Variants in BNC1 observed in about 807,000 individuals in gnomAD.
The protein encoded by BNC1 is zinc finger protein basonuclin-1.
A neutral mutation model predicts 66.5 loss-of-function variants in BNC1; 8 were observed. That is an observed-to-expected ratio of 0.12 (90% CI 0.07 to 0.22). The LOEUF (loss-of-function observed/expected upper bound fraction) is 0.22. Among genes scored for constraint, BNC1 ranks in the 10% least tolerant of loss-of-function variants. BNC1 has a pLI of 1.00. For synonymous variants in BNC1, 454 were observed against 452.6 expected, an observed-to-expected ratio of 1.00 and a Z score of -0.04; for missense variants, 1,069 against 1,241.3, an observed-to-expected ratio of 0.86 and a Z score of 2.09.
chr15:83,264,342 C>A lies in BNC1; in HGVS notation c.909G>T (p.Gln303His), dbSNP rs776325744. ...SSTPFQVEKD[Q>H]CLNCPDAITK... ...TAATAGCATCCGGACAGTTTAAACACTGATCTTTTTCAACCTGAAATGGTG... is the reference window on the plus strand; with the variant it reads ...TAATAGCATCCGGACAGTTTAAACAATGATCTTTTTCAACCTGAAATGGTG... The change falls in exon 4 of 5, where the codon CAG becomes CAT. Residue 303 changes from glutamine to histidine, a missense_variant. By Grantham distance (24) the Gln-to-His change is conservative. This residue lies in a region of BNC1 where 181 missense variants were observed against 181.5 expected (regional missense o/e 1.00). Transcript: ENST00000345382. The A allele has an allele frequency of 1.2e-6, 2 of 1,614,124 alleles. No individual in the cohort carries two copies. The highest frequency in any genetic ancestry group is 1.7e-6 in the Non-Finnish European group (2 of 1,180,018).
At chr15:83,284,494 G>C in intron 1 of BNC1, 36 bp downstream of exon 1, 1 of 1,190,554 alleles carries the variant, frequency 8.4e-7, no homozygotes, top group Non-Finnish European at 1.1e-6. Context: ...TCCGCGCACA[G>C]AGAATCCCCG....
intron 1 of BNC1, among the ~76,000 whole-genome samples, chr15:83,275,242 A>G (rs1005466087): frequency 6.6e-6 from 1 of 152,224 alleles, no homozygotes. Flanking sequence ...GCTCACGCCT[A>G]TAATCCCAGC....
chr15:83,268,333 T>C (rs2038237387), intron 1 of BNC1, 101 bp from the exon 2 acceptor site: 4 of 1,050,950 alleles, frequency 3.8e-6, no homozygotes, highest in Non-Finnish European at 5.7e-6. Context: ...GCAGCACTTA[T>C]TGAGCAATAT....
At chr15:83,279,708 T>C (rs1399337338) in intron 1 of BNC1, among the ~76,000 whole-genome samples, 1 of 152,090 alleles carries the variant, frequency 6.6e-6, no homozygotes, top group Admixed American at 6.5e-5. Flanking sequence ...CTTTCTACAA[T>C]GGGGAGGCAC....
At chr15:83,279,424 G>A (rs1001924394) in intron 1 of BNC1, among the ~76,000 whole-genome samples, 6 of 152,186 alleles carry the variant, frequency 3.9e-5, no homozygotes, top group East Asian at 1.9e-4. Context: ...AGTGGGATAG[G>A]AGAAATGGAG....
chr15:83,279,366 T>G (rs976691870), intron 1 of BNC1, among the ~76,000 whole-genome samples: 1 of 151,900 alleles, frequency 6.6e-6, no homozygotes, highest in Non-Finnish European at 1.5e-5. Context: ...TAATAAAAAG[T>G]GAAAAAAATA....
Position 83,263,633 on chromosome 15 carries a change from A to G in BNC1, c.1618T>C (p.Ser540Pro). Residue 540 changes from serine (S) to proline (P), a missense_variant, in exon 4 of 5, where the codon TCC becomes CCC. By Grantham distance (74) the Ser-to-Pro change is moderately conservative. Coordinates refer to ENST00000345382, the MANE Select transcript of BNC1 (RefSeq NM_001717.4). ...DALPKKKSRK[S>P]SMPIKIEKEA... ...TTCTCTATTTTGATAGGCATACTGG[A>G]CTTCCTGGATTTCTTCTTGGGAAGG... 1 of 1,614,114 alleles carries G rather than the reference A, an allele frequency of 6.2e-7. No homozygotes were observed. Among genetic ancestry groups the G allele is most frequent in the Non-Finnish European group, 8.5e-7 (1 of 1,180,012 alleles).
intron 1 of BNC1, among the ~76,000 whole-genome samples, chr15:83,283,951 A>T (rs1013350161): frequency 7.9e-5 from 12 of 151,824 alleles, no homozygotes; most frequent in African/African-American, 2.9e-4. Context: ...CCCGCAGTGG[A>T]CGGGAGCCTC....
intron 1 of BNC1, among the ~76,000 whole-genome samples, chr15:83,270,065 C>T (rs1412615428): frequency 6.6e-6 from 1 of 152,146 alleles, no homozygotes; most frequent in Non-Finnish European, 1.5e-5. Flanking sequence ...TTACCTGGGG[C>T]TGTGGAGAGT....
At chr15:83,283,140 G>C in intron 1 of BNC1, 9 of 1,535,520 alleles carry the variant, frequency 5.9e-6, no homozygotes, top group Non-Finnish European at 7.8e-6. Context: ...TTAACTGTCA[G>C]ACTCGGAGCG....
At position 83,258,168 on chromosome 15, in the gene BNC1, T is replaced by G. The variant is rs750237521; in HGVS notation, c.2301-42A>C. The G allele has an allele frequency of 7.8e-6, 12 of 1,534,428 alleles. No individual in the cohort carries two copies. The South Asian group carries it at 1.5e-4, about 19-fold the overall frequency. The stretch of plus-strand genomic sequence containing the variant: ...ATGGTTAGTAATGGGTTGGGCTGTT[T>G]TAGAAACAGTCATCATTCTGAGTGG... On this transcript the variant is annotated intron_variant, in intron 4 of 4. Coordinates refer to ENST00000345382, the MANE Select transcript of BNC1 (RefSeq NM_001717.4).
chr15:83,264,329 G>A lies in BNC1; in HGVS notation c.922C>T (p.Pro308Ser), dbSNP rs2038189648. 1 of 1,613,984 alleles carries A rather than the reference G, an allele frequency of 6.2e-7. No homozygotes were observed. The change falls in exon 4 of 5, where the codon CCG becomes TCG. Residue 308 changes from proline to serine, a missense_variant. Coordinates refer to ENST00000345382, the MANE Select transcript of BNC1 (RefSeq NM_001717.4). ...TCTTCTTTTTTAGTAATAGCATCCG[G>A]ACAGTTTAAACACTGATCTTTTTCA... is the stretch of plus-strand genomic sequence containing the variant. ...QVEKDQCLNC[P>S]DAITKKEDST...
chr15:83,259,392 T>C (rs1214911429), intron 4 of BNC1, among the ~76,000 whole-genome samples: 1 of 152,232 alleles, frequency 6.6e-6, no homozygotes, highest in Non-Finnish European at 1.5e-5. Context: ...TTGAACTTTT[T>C]AAATCCCCAA....
Position 83,263,621 on chromosome 15 carries a change from T to C in BNC1, c.1630A>G (p.Ile544Val). ...TCCACAGCTTCTTTCTCTATTTTGATAGGCATACTGGACTTCCTGGATTTC... is the reference window on the plus strand; with the variant it reads ...TCCACAGCTTCTTTCTCTATTTTGACAGGCATACTGGACTTCCTGGATTTC... ...KKKSRKSSMP[I>V]KIEKEAVEIA... Residue 544 changes from isoleucine (I) to valine (V), a missense_variant, in exon 4 of 5, where the codon ATC becomes GTC. By Grantham distance (29) the Ile-to-Val change is conservative. Transcript: ENST00000345382. 6.2e-7 allele frequency: 1 copy of C among 1,614,234 alleles called. No homozygotes were observed. Among genetic ancestry groups the C allele is most frequent in the Middle Eastern group, 1.6e-4 (1 of 6,062 alleles).
chr15:83,279,952 T>G (rs1029605510), intron 1 of BNC1, among the ~76,000 whole-genome samples: 3 of 152,222 alleles, frequency 2.0e-5, no homozygotes, highest in Non-Finnish European at 4.4e-5. Context: ...GGGCTGAGTC[T>G]ACCTGTGAGT....
chr15:83,283,445 G>A, intron 1 of BNC1: 1 of 1,230,738 alleles, frequency 8.1e-7, no homozygotes, highest in Non-Finnish European at 1.0e-6. Context: ...CCGGCTCCCA[G>A]CACGGAACCG....
intron 1 of BNC1, among the ~76,000 whole-genome samples, chr15:83,270,978 ATAT>A (rs2038264259): frequency 6.6e-6 from 1 of 152,190 alleles, no homozygotes; most frequent in African/African-American, 2.4e-5. Flanking sequence ...CTCAATAAAA[ATAT>A]TATTAAAACA....
chr15:83,265,269 C>T lies in BNC1; in HGVS notation c.436-454G>A, dbSNP rs1202421784. ...ATTCATTTGCTGCAAGTTTAATAATCTTCCTAAGCAACTAACATCAGAAAA... is the reference window on the plus strand; with the variant it reads ...ATTCATTTGCTGCAAGTTTAATAATTTTCCTAAGCAACTAACATCAGAAAA... On this transcript the variant is annotated intron_variant, in intron 3 of 4. Transcript: ENST00000345382. 3.9e-5 allele frequency among the ~76,000 whole-genome samples: 6 copies of T among 152,334 alleles called. No homozygotes were observed. In the East Asian group the frequency reaches 1.2e-3, roughly 29 times the overall value.
chr15:83,276,852 T>C (rs2038328132), intron 1 of BNC1, among the ~76,000 whole-genome samples: 2 of 152,212 alleles, frequency 1.3e-5, no homozygotes, highest in Admixed American at 6.5e-5. Flanking sequence ...GATCTTCCAG[T>C]TGACTATGGA....
Sources: gnomAD v4.1 joint callset for allele counts (sites outside exome capture counted in the v4.1 genomes callset) on GRCh38, gnomAD v4.1.1 for gene constraint, gnomAD v4.1.1 regional missense constraint, MANE v1.5 for transcripts, NCBI Gene and HGNC (gene_info 2026-07-23, HGNC 2026-07-21) for gene names.